ADAM29: variants seen among roughly 807,000 people sequenced by gnomAD.
ADAM29 encodes disintegrin and metalloproteinase domain-containing protein 29.
For synonymous variants in ADAM29, 367 were observed against 342.3 expected (o/e 1.07, Z -0.80); for missense variants, 969 against 1,001.8 (o/e 0.97, Z 0.44).
intron 2 of ADAM29, among the ~76,000 whole-genome samples, chr4:174,921,098 T>C (rs79779136): frequency 7.0e-4 from 107 of 152,162 alleles, no homozygotes; most frequent in African/African-American, 2.5e-3. Context: ...ACTAGAATAA[T>C]AAGCACAATG....
Position 174,975,360 on chromosome 4 carries a change from T to A in ADAM29, c.-166T>A. On this transcript the variant is annotated 5_prime_UTR_variant, in exon 5 of 5. The change abolishes an upstream ATG in the 5' untranslated region. Coordinates refer to ENST00000359240, the MANE Select transcript of ADAM29 (RefSeq NM_014269.4). ...TTTACTTATAGTGCTGCAGCTCTGA[T>A]GGTTCAACTCTGCCAAAAGATGGAT... is the stretch of plus-strand genomic sequence containing the variant. 6.0e-6 allele frequency: 3 copies of A among 497,428 alleles called. No homozygotes were observed. The highest frequency in any genetic ancestry group is 6.6e-6 in the Non-Finnish European group (2 of 302,470). The allele number at this position is 497,428 out of a possible 1,614,324, so 30.8% of individuals were successfully genotyped here.
Position 174,976,457 on chromosome 4 carries a change from G to A in ADAM29, c.932G>A (p.Arg311His), listed in dbSNP as rs753780341. 30 of 1,609,514 alleles carry A rather than the reference G, an allele frequency of 1.9e-5. 1 individual carries two copies. Among genetic ancestry groups the A allele is most frequent in the African/African-American group, 6.7e-5 (5 of 74,840 alleles). Residue 311 changes from arginine to histidine, a missense_variant, in exon 5 of 5, where the codon CGT (arginine) becomes CAT (histidine). Coordinates refer to ENST00000359240, the MANE Select transcript of ADAM29 (RefSeq NM_014269.4). Reference sequence around the variant, plus strand: ...TTTAGAGGAATGTGTACACCACACCGTAGTTGTGCAATTGTTACTTTCATG... The same window carrying A: ...TTTAGAGGAATGTGTACACCACACCATAGTTGTGCAATTGTTACTTTCATG... ...GAFRGMCTPH[R>H]SCAIVTFMNK...
At position 174,935,463 on chromosome 4, in the gene ADAM29, A is replaced by C. The variant is rs192613656; in HGVS notation, c.-261-1470A>C. ...GATCTTCATCAAGTTAAAATGTTCT[A>C]TTTTAAAGTAAACCTACTACCCCAT... On this transcript the variant is annotated intron_variant, in intron 3 of 4. Transcript: ENST00000359240. 4.1e-3 allele frequency among the ~76,000 whole-genome samples: 630 copies of C among 152,214 alleles called. 4 individuals are homozygous for C. The highest frequency in any genetic ancestry group is 0.014 in the African/African-American group (567 of 41,562).
At position 174,961,821 on chromosome 4, in the gene ADAM29, C is replaced by A. The variant is rs368149836; in HGVS notation, c.-180-13525C>A. The stretch of plus-strand genomic sequence containing the variant: ...TACCATACAGCCTATCCAGTCAGAG[C>A]ACACACTTTGCTTAAACCTTACCAA... On this transcript the variant is annotated intron_variant, in intron 4 of 4. Coordinates refer to ENST00000359240, the MANE Select transcript of ADAM29 (RefSeq NM_014269.4). 1.5e-4 allele frequency among the ~76,000 whole-genome samples: 23 copies of A among 152,286 alleles called. No individual in the cohort carries two copies. The Middle Eastern group carries it at 0.01, about 68-fold the overall frequency.
intron 4 of ADAM29, among the ~76,000 whole-genome samples, chr4:174,974,592 T>C (rs991037971): frequency 6.6e-6 from 1 of 152,240 alleles, no homozygotes; most frequent in African/African-American, 2.4e-5. Context: ...TGTTGAATAA[T>C]GTTCTTCTTT....
chr4:174,977,174 A>G lies in ADAM29; in HGVS notation c.1649A>G (p.Gln550Arg). Residue 550 changes from glutamine to arginine, a missense_variant, in exon 5 of 5, where the codon CAG becomes CGG. Physicochemically the swap from Gln to Arg is conservative, Grantham distance 43. Transcript: ENST00000359240. ...TYIKCNISDV[Q>R]CGRIQCENVT... ...ATAAAGTGTAATATCTCAGATGTCC[A>G]GTGTGGAAGAATTCAGTGTGAGAAT... 6.2e-7 allele frequency: 1 copy of G among 1,614,138 alleles called. No individual in the cohort carries two copies. Among genetic ancestry groups the G allele is most frequent in the African/African-American group, 1.3e-5 (1 of 75,054 alleles).
rs1744001610 is a variant in ADAM29, at chr4:174,933,162, CA to C, written c.-262+1993del. On this transcript the variant is annotated intron_variant, in intron 3 of 4. Transcript: ENST00000359240. ...GTGAGCAGAATGGGGTCTGGGATAA[CA>C]AAAAGCTCTCTGCCTGAAAGTGTGG... Among the ~76,000 whole-genome samples the C allele has an allele frequency of 7.2e-5, 11 of 152,222 alleles. No homozygotes were observed. The South Asian group carries it at 2.3e-3, about 32-fold the overall frequency.
intron 1 of ADAM29, among the ~76,000 whole-genome samples, chr4:174,919,641 T>G (rs1348253007): frequency 3.3e-5 from 5 of 152,198 alleles, no homozygotes; most frequent in Non-Finnish European, 7.3e-5. Flanking sequence ...CCCTCTTTAC[T>G]GGCAGCTTTC....
intron 4 of ADAM29, among the ~76,000 whole-genome samples, chr4:174,949,240 C>G (rs1745028233): frequency 6.6e-6 from 1 of 152,110 alleles, no homozygotes; most frequent in Non-Finnish European, 1.5e-5. Context: ...TGTCCAGGTC[C>G]TACAGTCACC....
At chr4:174,963,013 G>C (rs542082677) in intron 4 of ADAM29, among the ~76,000 whole-genome samples, 2 of 152,100 alleles carry the variant, frequency 1.3e-5, no homozygotes, top group Non-Finnish European at 2.9e-5. Context: ...TTAGTGTTTT[G>C]TGCTTCCTGA....
intron 2 of ADAM29, 49 bp from the exon 3 acceptor site, chr4:174,930,937 G>A (rs1743825831): frequency 6.6e-6 from 1 of 151,912 alleles, no homozygotes; most frequent in African/African-American, 2.4e-5. Flanking sequence ...AGCTTTATCT[G>A]TCTAATTAAT....
At chr4:174,959,396 TG>T (rs1421215801) in intron 4 of ADAM29, among the ~76,000 whole-genome samples, 1 of 151,706 alleles carries the variant, frequency 6.6e-6, no homozygotes, top group African/African-American at 2.4e-5. Context: ...CCTTTTTTTT[TG>T]TTTGTTTTAC....
At chr4:174,934,395 AAG>A (rs775302811) in intron 3 of ADAM29, among the ~76,000 whole-genome samples, 5 of 152,058 alleles carry the variant, frequency 3.3e-5, no homozygotes, top group Admixed American at 6.6e-5. Flanking sequence ...AGAAATCTCA[AAG>A]AGTTTTAATT....
At chr4:174,939,990 C>T (rs931381686) in intron 4 of ADAM29, among the ~76,000 whole-genome samples, 1 of 151,992 alleles carries the variant, frequency 6.6e-6, no homozygotes, top group Non-Finnish European at 1.5e-5. Context: ...ACCTCCCTAC[C>T]TTTCTCCATC....
At chr4:174,962,308 A>C (rs776784155) in intron 4 of ADAM29, among the ~76,000 whole-genome samples, 5 of 152,174 alleles carry the variant, frequency 3.3e-5, no homozygotes, top group African/African-American at 4.8e-5. Flanking sequence ...TCAGGAAATC[A>C]AGACCATCCT....
chr4:174,976,815 T>C lies in ADAM29; in HGVS notation c.1290T>C (p.Thr430=), dbSNP rs765791678. Residue 430 remains threonine, a synonymous_variant, in exon 5 of 5, where the codon ACT becomes ACC. Coordinates refer to ENST00000359240, the MANE Select transcript of ADAM29 (RefSeq NM_014269.4). ...AKDPCCLSNC[T]LTDGSTCAFG... ...ATCCCTGCTGTCTGTCAAATTGCAC[T>C]CTGACTGATGGTTCTACTTGTGCTT... 6.2e-7 allele frequency: 1 copy of C among 1,614,086 alleles called. No individual in the cohort carries two copies. The highest frequency in any genetic ancestry group is 1.1e-5 in the South Asian group (1 of 91,092).
chr4:174,971,704 G>A (rs1450800477), intron 4 of ADAM29, among the ~76,000 whole-genome samples: 5 of 152,058 alleles, frequency 3.3e-5, no homozygotes, highest in African/African-American at 1.2e-4. Context: ...ATCTTATTTG[G>A]GAACTTTTGG....
At chr4:174,972,625 C>T (rs1289903752) in intron 4 of ADAM29, among the ~76,000 whole-genome samples, 12 of 152,130 alleles carry the variant, frequency 7.9e-5, no homozygotes, top group East Asian at 5.8e-4. Context: ...AAAGCTGACA[C>T]TTGGGATATT....
At chr4:174,930,800 T>C (rs921014036) in intron 2 of ADAM29, among the ~76,000 whole-genome samples, 186 bp from the exon 3 acceptor site, 12 of 152,240 alleles carry the variant, frequency 7.9e-5, no homozygotes, top group Admixed American at 4.6e-4. Context: ...TGGGAAATTT[T>C]ATATTTATGC....
Sources: gnomAD v4.1 joint callset for allele counts (sites outside exome capture counted in the v4.1 genomes callset) on GRCh38, gnomAD v4.1.1 for gene constraint, MANE v1.5 for transcripts, NCBI Gene and HGNC (gene_info 2026-07-23, HGNC 2026-07-21) for gene names.